The following CLOCK variants were observed in gnomAD, a reference collection of about 807,000 sequenced individuals.
CLOCK encodes the protein circadian locomoter output cycles protein kaput.
A neutral mutation model predicts 118.4 loss-of-function variants in CLOCK; 43 were observed. The ratio of observed to expected loss-of-function variants is 0.36; its 90% CI spans 0.28 to 0.47. The LOEUF (loss-of-function observed/expected upper bound fraction) is 0.47, where lower values mean the gene tolerates loss of function less well. Ranked by LOEUF, CLOCK falls within the 20% of genes least tolerant of loss-of-function variation. The pLI is 1.00. For synonymous variants in CLOCK, 326 were observed against 339.2 expected (o/e 0.96, Z 0.43); for missense variants, 846 against 999.9 (o/e 0.85, Z 2.08).
intron 2 of CLOCK, among the ~76,000 whole-genome samples, chr4:55,509,628 T>TA (rs1299480271): frequency 6.6e-6 from 1 of 152,252 alleles, no homozygotes; most frequent in East Asian, 1.9e-4. Context: ...TCATCTTCCT[T>TA]AAACTCAGGA....
chr4:55,518,968 C>T (rs564362473), intron 1 of CLOCK, among the ~76,000 whole-genome samples: 2 of 152,178 alleles, frequency 1.3e-5, no homozygotes, highest in African/African-American at 4.8e-5. Context: ...TTCTGCCCCC[C>T]ACCCAATCCA....
chr4:55,538,953 C>G (rs895557228), intron 1 of CLOCK, among the ~76,000 whole-genome samples: 8 of 152,278 alleles, frequency 5.3e-5, no homozygotes, highest in Non-Finnish European at 1.2e-4. Flanking sequence ...CACTTCAGGC[C>G]AGCCACAGTG....
At chr4:55,524,879 C>G (rs1730075091) in intron 1 of CLOCK, among the ~76,000 whole-genome samples, 1 of 151,976 alleles carries the variant, frequency 6.6e-6, no homozygotes, top group African/African-American at 2.4e-5. Flanking sequence ...GATGATATCT[C>G]CAGACTTATA....
At chr4:55,519,516 G>A (rs1261432208) in intron 1 of CLOCK, among the ~76,000 whole-genome samples, 3 of 152,188 alleles carry the variant, frequency 2.0e-5, no homozygotes, top group African/African-American at 7.2e-5. Context: ...ACCAGGCGTG[G>A]TAGCTCATGC....
chr4:55,460,302 G>C (rs1315168918), intron 9 of CLOCK, among the ~76,000 whole-genome samples: 6 of 152,062 alleles, frequency 3.9e-5, no homozygotes, highest in Non-Finnish European at 7.4e-5. Context: ...AGGTTCTTCT[G>C]ATCCTAAATC....
chr4:55,434,165 A>G lies in CLOCK; in HGVS notation c.*1250T>C, dbSNP rs1722710758. 2 of 152,642 alleles carry G rather than the reference A, an allele frequency of 1.3e-5. No individual in the cohort carries two copies. Among genetic ancestry groups the G allele is most frequent in the African/African-American group, 2.4e-5 (1 of 41,456 alleles). The allele number at this position is 152,642 out of a possible 1,614,324, so 9.5% of individuals were successfully genotyped here. ...TCAAAACTGCTACGGAAACCGGACA[A>G]TGACTTCAAGATGGTGAGTTATCAC... On this transcript the variant is annotated 3_prime_UTR_variant, in exon 23 of 23. Transcript: ENST00000513440.
intron 1 of CLOCK, among the ~76,000 whole-genome samples, chr4:55,510,293 A>G (rs1056161442): frequency 1.3e-5 from 2 of 152,304 alleles, no homozygotes; most frequent in Admixed American, 6.5e-5. Flanking sequence ...AAGGGAAAGC[A>G]TAACAGAGAT....
In CLOCK at chr4:55,477,508, T is replaced by G. The variant is rs189443003; in HGVS notation, c.256+1307A>C. Among the ~76,000 whole-genome samples the G allele has an allele frequency of 2.0e-5, 3 of 152,182 alleles. No homozygotes were observed. In the East Asian group the frequency reaches 5.8e-4, roughly 29 times the overall value. On this transcript the variant is annotated intron_variant, in intron 6 of 22. Transcript: ENST00000513440. ...ATCCTAAAATTTTTTCAGGTTTAAG[T>G]CTTAGGTGACTAAAAGGATGGTGGT... is the stretch of plus-strand genomic sequence containing the variant.
intron 1 of CLOCK, among the ~76,000 whole-genome samples, chr4:55,516,535 A>G (rs893288494): frequency 3.9e-5 from 6 of 152,088 alleles, no homozygotes; most frequent in Admixed American, 2.6e-4. Flanking sequence ...TCTTTCGGTT[A>G]GTGTTAGCAT....
chr4:55,441,004 T>G (rs1323336255), intron 21 of CLOCK, among the ~76,000 whole-genome samples: 1 of 152,178 alleles, frequency 6.6e-6, no homozygotes, highest in Non-Finnish European at 1.5e-5. Context: ...AACAAAAAAC[T>G]GCTCACTTCC....
intron 1 of CLOCK, among the ~76,000 whole-genome samples, chr4:55,520,591 A>G (rs1186388413): frequency 6.6e-6 from 1 of 152,218 alleles, no homozygotes; most frequent in Non-Finnish European, 1.5e-5. Flanking sequence ...AAAATAAATA[A>G]ATCCACAGTA....
At chr4:55,536,717 C>G (rs1481945374) in intron 1 of CLOCK, among the ~76,000 whole-genome samples, 1 of 152,262 alleles carries the variant, frequency 6.6e-6, no homozygotes, top group African/African-American at 2.4e-5. Context: ...GTAATGCAAA[C>G]AGACTAATAC....
intron 5 of CLOCK, 100 bp from the exon 6 acceptor site, chr4:55,479,063 T>A: frequency 1.0e-6 from 1 of 980,184 alleles, no homozygotes; most frequent in Non-Finnish European, 1.5e-6. Flanking sequence ...TGTACTTCTA[T>A]CAACATAGAT....
At chr4:55,501,003 C>A (rs1310019570) in intron 2 of CLOCK, among the ~76,000 whole-genome samples, 1 of 152,014 alleles carries the variant, frequency 6.6e-6, no homozygotes, top group African/African-American at 2.4e-5. Context: ...AGGCATGCAC[C>A]ACCATGCCTA....
At chr4:55,438,563 T>G (rs746140035) in intron 21 of CLOCK, 26 bp from the exon 22 acceptor site, 2 of 1,612,268 alleles carry the variant, frequency 1.2e-6, no homozygotes, top group South Asian at 2.2e-5. Context: ...AGGAAAAAAA[T>G]TGGAGTCCAA....
intron 20 of CLOCK, among the ~76,000 whole-genome samples, chr4:55,443,217 T>G (rs564741271): frequency 1.1e-4 from 16 of 152,200 alleles, no homozygotes; most frequent in African/African-American, 3.9e-4. Context: ...GGCTCACACC[T>G]GTAATCCCAG....
chr4:55,464,862 T>C (rs1411501161), intron 8 of CLOCK, among the ~76,000 whole-genome samples: 1 of 152,150 alleles, frequency 6.6e-6, no homozygotes, highest in Non-Finnish European at 1.5e-5. Flanking sequence ...CCTAATACTA[T>C]TCTTCATATA....
chr4:55,428,335 T>C lies in CLOCK; in HGVS notation c.*7080A>G, dbSNP rs1722320400. 1 of 152,168 alleles carries C rather than the reference T, an allele frequency of 6.6e-6. No individual in the cohort carries two copies. The highest frequency in any genetic ancestry group is 6.5e-5 in the Admixed American group (1 of 15,276). The allele number at this position is 152,168 out of a possible 1,614,324, so 9.4% of individuals were successfully genotyped here. A position where few individuals can be genotyped will look rare whatever the true frequency, so the allele number is the denominator to read the frequency against. ...AACCAATTGTTACACCAAATTAAAATGGCAATATTAAATCGGTAACAAAAC... is the reference window on the plus strand; with the variant it reads ...AACCAATTGTTACACCAAATTAAAACGGCAATATTAAATCGGTAACAAAAC... On this transcript the variant is annotated 3_prime_UTR_variant, in exon 23 of 23. Transcript: ENST00000513440.
intron 1 of CLOCK, among the ~76,000 whole-genome samples, chr4:55,510,611 A>G (rs1729077387): frequency 6.7e-6 from 1 of 148,452 alleles, no homozygotes; most frequent in East Asian, 2.0e-4. Context: ...TGGGCGACAG[A>G]ACAAGACTCT....
Sources: gnomAD v4.1 joint callset for allele counts (sites outside exome capture counted in the v4.1 genomes callset) on GRCh38, gnomAD v4.1.1 for gene constraint, MANE v1.5 for transcripts, NCBI Gene and HGNC (gene_info 2026-07-23, HGNC 2026-07-21) for gene names.